The following TARM1 variants were observed in gnomAD, a reference collection of about 807,000 sequenced individuals.
The protein encoded by TARM1 is T-cell-interacting, activating receptor on myeloid cells protein 1.
TARM1 carries 24 observed loss-of-function variants against 30.4 expected under a neutral mutation model. The ratio of observed to expected loss-of-function variants is 0.79; its 90% CI spans 0.57 to 1.11. The LOEUF is 1.11. Among genes scored for constraint, TARM1 ranks in the 50% least tolerant of loss-of-function variants. The pLI is 0.00. For missense variants in TARM1, 323 were observed against 332.8 expected, an observed-to-expected ratio of 0.97 and a Z score of 0.23; for synonymous variants, 129 against 138.9, an observed-to-expected ratio of 0.93 and a Z score of 0.50.
chr19:54,077,884 A>C (rs902354244), intron 1 of TARM1, among the ~76,000 whole-genome samples: 5 of 151,022 alleles, frequency 3.3e-5, no homozygotes, highest in African/African-American at 1.2e-4. Context: ...CTGGGATTAC[A>C]GCTCACTGCA....
At chr19:54,078,178 CTTTTTTTTTTTTTT>C (rs869101071) in intron 1 of TARM1, among the ~76,000 whole-genome samples, 4 of 67,806 alleles carry the variant, frequency 5.9e-5, no homozygotes, top group African/African-American at 2.5e-4. Flanking sequence ...TTCTTTCTTT[CTTTTTTTTTTTTTT>C]TTTTTTTTTT....
chr19:54,080,515 GAA>G (rs2072102219), intron 1 of TARM1, among the ~76,000 whole-genome samples: 2 of 143,944 alleles, frequency 1.4e-5, no homozygotes, highest in African/African-American at 5.2e-5. Flanking sequence ...AGGAAGGAAG[GAA>G]GGAAGGAAGG....
intron 1 of TARM1, chr19:54,076,256 T>G (rs587630812): frequency 3.1e-5 from 47 of 1,493,742 alleles, no homozygotes; most frequent in Admixed American, 4.2e-5. Flanking sequence ...CTTTCTTTCT[T>G]TCTTTTTTCT....
chr19:54,077,151 G>A (rs1277447953), intron 1 of TARM1, among the ~76,000 whole-genome samples: 3 of 152,028 alleles, frequency 2.0e-5, no homozygotes, highest in African/African-American at 7.2e-5. Context: ...GGGAGGCCGA[G>A]GCAGGTGGAT....
intron 4 of TARM1, among the ~76,000 whole-genome samples, chr19:54,071,555 C>T (rs12974583): frequency 1.8e-4 from 28 of 152,174 alleles, no homozygotes; most frequent in Admixed American, 3.3e-4. Flanking sequence ...CAGTAGCTCA[C>T]GCCTGTAATC....
At chr19:54,078,409 G>A (rs112143130) in intron 1 of TARM1, among the ~76,000 whole-genome samples, 12,504 of 150,282 alleles carry the variant, frequency 0.083, 555 homozygotes, top group Middle Eastern at 0.13. Flanking sequence ...ATGGAGTTTC[G>A]CTCTTGTTGC....
At chr19:54,080,749 G>T (rs1353961288) in intron 1 of TARM1, among the ~76,000 whole-genome samples, 1 of 152,078 alleles carries the variant, frequency 6.6e-6, no homozygotes, top group Non-Finnish European at 1.5e-5. Context: ...GAGGTGGGCA[G>T]ATCACCTGAG....
intron 1 of TARM1, chr19:54,076,463 A>G (rs1263808462): frequency 4.6e-6 from 2 of 432,166 alleles, no homozygotes; most frequent in African/African-American, 2.1e-5. Context: ...CCCGGGTTCA[A>G]GTGATTCTCC....
intron 1 of TARM1, among the ~76,000 whole-genome samples, chr19:54,076,909 C>T (rs2071969307): frequency 6.6e-6 from 1 of 152,228 alleles, no homozygotes; most frequent in East Asian, 1.9e-4. Context: ...TCTTTTAATC[C>T]CTTCATGACT....
chr19:54,074,784 C>T, intron 3 of TARM1, 40 bp downstream of exon 3: 1 of 1,536,784 alleles, frequency 6.5e-7, no homozygotes, highest in Non-Finnish European at 8.8e-7. Context: ...TCCCTCATCC[C>T]CTGTCCCCCG....
In TARM1 at chr19:54,074,632, G is replaced by A. The variant is rs587602082; in HGVS notation, c.361+192C>T. On this transcript the variant is annotated intron_variant, in intron 3 of 4. Transcript: ENST00000432826. The stretch of plus-strand genomic sequence containing the variant: ...CAGGAGGCGGAAGTTGCAGTGAGCC[G>A]AGATGGCACCACTGCACTCTGGCCT... 3.7e-4 allele frequency among the ~76,000 whole-genome samples: 56 copies of A among 152,280 alleles called. No individual in the cohort carries two copies. In the Middle Eastern group the frequency reaches 0.014, roughly 37 times the overall value.
chr19:54,072,417 G>C (rs2071834723), intron 4 of TARM1, among the ~76,000 whole-genome samples: 1 of 152,130 alleles, frequency 6.6e-6, no homozygotes, highest in Non-Finnish European at 1.5e-5. Context: ...ACTTTCAGAA[G>C]AATTCTAGCA....
At chr19:54,077,741 T>G (rs1043502702) in intron 1 of TARM1, among the ~76,000 whole-genome samples, 1 of 147,264 alleles carries the variant, frequency 6.8e-6, no homozygotes, top group African/African-American at 2.5e-5. Flanking sequence ...TTTTCTTCGT[T>G]TTTTTTTTTT....
chr19:54,077,254 G>A (rs1432289132), intron 1 of TARM1, among the ~76,000 whole-genome samples: 1 of 151,850 alleles, frequency 6.6e-6, no homozygotes, highest in African/African-American at 2.4e-5. Context: ...GGTGATGGGC[G>A]CCTGTGATCC....
chr19:54,075,116 T>C lies in TARM1; in HGVS notation c.71-2A>G. On this transcript the variant is annotated splice_acceptor_variant, in intron 2 of 4. Transcript: ENST00000432826. LOFTEE classifies it high-confidence loss of function. ...TGAGGGACGGCTTGGGCAGTGACCC[T>C]GGAAGGAAGCAGAGCCTGATGCTGG... 1.3e-6 allele frequency: 2 copies of C among 1,550,438 alleles called. No individual in the cohort carries two copies. The highest frequency in any genetic ancestry group is 2.4e-5 in the South Asian group (2 of 84,012).
intron 4 of TARM1, among the ~76,000 whole-genome samples, chr19:54,072,355 T>A (rs2071833437): frequency 6.6e-6 from 1 of 152,092 alleles, no homozygotes; most frequent in East Asian, 1.9e-4. Flanking sequence ...AAAAATAATT[T>A]ACAGAGCTGA....
intron 4 of TARM1, 137 bp from the exon 5 acceptor site, chr19:54,070,297 C>A: frequency 4.5e-6 from 6 of 1,340,610 alleles, no homozygotes; most frequent in Non-Finnish European, 4.9e-6. Context: ...GAGTTTTACT[C>A]TTGTTGACCA....
intron 1 of TARM1, chr19:54,076,174 C>A: frequency 6.7e-7 from 1 of 1,496,200 alleles, no homozygotes; most frequent in Non-Finnish European, 8.8e-7. Context: ...TCCCACAAAT[C>A]CTTCCATTCT....
rs183375888 is a variant in TARM1, at chr19:54,070,449, G to A, written c.659-289C>T. 3.9e-3 allele frequency among the ~76,000 whole-genome samples: 592 copies of A among 151,820 alleles called. 5 individuals are homozygous for A. The highest frequency in any genetic ancestry group is 0.014 in the African/African-American group (570 of 41,380). On this transcript the variant is annotated intron_variant, in intron 4 of 4. Transcript: ENST00000432826. Reference sequence around the variant, plus strand: ...CTAATTTTATATTTTTAGTAGAGACGGGGTTTCGCCATGTTGGCCAGGCTG... The same window carrying A: ...CTAATTTTATATTTTTAGTAGAGACAGGGTTTCGCCATGTTGGCCAGGCTG...
Sources: allele counts gnomAD v4.1 joint callset (sites outside exome capture counted in the v4.1 genomes callset), GRCh38; gene constraint gnomAD v4.1.1; transcripts MANE v1.5; gene names NCBI Gene and HGNC (gene_info 2026-07-23, HGNC 2026-07-21).